Variants in PIK3C2G observed in about 807,000 individuals in gnomAD.
PIK3C2G encodes the protein phosphatidylinositol 3-kinase C2 domain-containing subunit gamma.
PIK3C2G carries 168 observed loss-of-function variants against 181.1 expected under a neutral mutation model. The observed-to-expected ratio is 0.93, with a 90% CI of 0.82 to 1.05. PIK3C2G has a LOEUF of 1.05. PIK3C2G is among the 50% of genes least tolerant of loss of function. The pLI, the probability that PIK3C2G is intolerant of heterozygous loss-of-function variation, is 0.00. For missense variants in PIK3C2G, 1,869 were observed against 1,732.8 expected (o/e 1.08, Z -1.40); for synonymous variants, 573 against 592.2 (o/e 0.97, Z 0.47).
At chr12:18,662,228 G>A in the PIK3C2G span, among the ~76,000 whole-genome samples, 1 of 152,020 alleles carries the variant, frequency 6.6e-6, no homozygotes, top group African/African-American at 2.4e-5. Context: ...TCATCACCTG[G>A]CTGATGAAAT....
chr12:18,710,984 C>T, the PIK3C2G span, among the ~76,000 whole-genome samples: 1 of 152,006 alleles, frequency 6.6e-6, no homozygotes, highest in African/African-American at 2.4e-5. Context: ...GGCGATTCCT[C>T]AGGGATCTAG....
the PIK3C2G span, among the ~76,000 whole-genome samples, chr12:18,690,156 T>A: frequency 6.6e-6 from 1 of 152,204 alleles, no homozygotes; most frequent in Non-Finnish European, 1.5e-5. Context: ...CTAGATATAT[T>A]GGGCATATAC....
intron 5 of PIK3C2G, among the ~76,000 whole-genome samples, chr12:18,312,974 A>G (rs1481713177): frequency 6.6e-6 from 1 of 152,086 alleles, no homozygotes. Flanking sequence ...CCAACTATTT[A>G]CTGAATTTTC....
At chr12:18,703,451 C>A in the PIK3C2G span, among the ~76,000 whole-genome samples, 1 of 152,134 alleles carries the variant, frequency 6.6e-6, no homozygotes, top group African/African-American at 2.4e-5. Flanking sequence ...TCATGTAATA[C>A]AGCTGTTTTT....
chr12:18,486,467 TA>T (rs1242084954), intron 18 of PIK3C2G, among the ~76,000 whole-genome samples: 1 of 151,826 alleles, frequency 6.6e-6, no homozygotes, highest in African/African-American at 2.4e-5. Context: ...GGAATAAGAG[TA>T]TTATACGTAC....
At chr12:18,554,508 A>C (rs1173071988) in intron 26 of PIK3C2G, among the ~76,000 whole-genome samples, 3 of 151,378 alleles carry the variant, frequency 2.0e-5, no homozygotes, top group African/African-American at 7.4e-5. Context: ...TGTGCAACCA[A>C]AATCATCATG....
At chr12:18,330,367 T>G (rs1286143765) in intron 8 of PIK3C2G, among the ~76,000 whole-genome samples, 1 of 152,168 alleles carries the variant, frequency 6.6e-6, no homozygotes, top group African/African-American at 2.4e-5. Flanking sequence ...GCTCTCAATT[T>G]GGTTTTATTT....
At chr12:18,631,774 C>T (rs1035490947) in intron 31 of PIK3C2G, among the ~76,000 whole-genome samples, 1 of 152,104 alleles carries the variant, frequency 6.6e-6, no homozygotes, top group African/African-American at 2.4e-5. Flanking sequence ...AGTAGCAGTA[C>T]TAACAAAGTC....
chr12:18,641,089 C>T (rs187540812), intron 32 of PIK3C2G, among the ~76,000 whole-genome samples: 2 of 152,128 alleles, frequency 1.3e-5, no homozygotes, highest in Admixed American at 1.3e-4. Flanking sequence ...TTTCCCATCT[C>T]CTCTGCACCT....
At chr12:18,669,091 G>C in the PIK3C2G span, among the ~76,000 whole-genome samples, 60 of 152,270 alleles carry the variant, frequency 3.9e-4, no homozygotes, top group Non-Finnish European at 7.1e-4. Context: ...TCATGGTACT[G>C]TTCCAAATTC....
intron 26 of PIK3C2G, among the ~76,000 whole-genome samples, chr12:18,559,837 G>T (rs1273847014): frequency 2.7e-4 from 31 of 116,928 alleles, no homozygotes; most frequent in Non-Finnish European, 4.5e-4. Context: ...GAGAGAGAGA[G>T]AGAGAGAGAG....
intron 13 of PIK3C2G, among the ~76,000 whole-genome samples, chr12:18,380,862 A>C (rs977654884): frequency 6.6e-6 from 1 of 152,230 alleles, no homozygotes; most frequent in Non-Finnish European, 1.5e-5. Flanking sequence ...AAGATCTGTT[A>C]AATGGCAAGA....
chr12:18,553,959 T>C lies in PIK3C2G; in HGVS notation c.3590+7527T>C, dbSNP rs149952457. Among the ~76,000 whole-genome samples the C allele has an allele frequency of 1.7e-3, 257 of 152,198 alleles. 2 individuals carry two copies. Among genetic ancestry groups the C allele is most frequent in the Non-Finnish European group, 3.1e-3 (210 of 67,962 alleles). On this transcript the variant is annotated intron_variant, in intron 26 of 32. Transcript: ENST00000538779. ...ACTTTATCTAATTTCATCCTATCAATGATCCTGGGAAATGGCATGGCTTAG... is the reference window on the plus strand; with the variant it reads ...ACTTTATCTAATTTCATCCTATCAACGATCCTGGGAAATGGCATGGCTTAG...
intron 24 of PIK3C2G, among the ~76,000 whole-genome samples, chr12:18,509,620 G>A (rs377242205): frequency 6.6e-6 from 1 of 152,276 alleles, no homozygotes; most frequent in African/African-American, 2.4e-5. Flanking sequence ...AGGTGTCCCT[G>A]AACAATTCCT....
intron 32 of PIK3C2G, among the ~76,000 whole-genome samples, chr12:18,646,838 C>T (rs1192115309): frequency 1.3e-5 from 2 of 151,708 alleles, no homozygotes; most frequent in Non-Finnish European, 2.9e-5. Context: ...GTTGCTTTAC[C>T]ACTGCAGGTT....
chr12:18,352,604 A>T (rs1267425320), intron 11 of PIK3C2G, among the ~76,000 whole-genome samples: 1 of 152,214 alleles, frequency 6.6e-6, no homozygotes, highest in East Asian at 1.9e-4. Context: ...GCTCAGTGTG[A>T]CAGCCCTCTG....
the PIK3C2G span, among the ~76,000 whole-genome samples, chr12:18,659,227 A>T: frequency 8.5e-5 from 13 of 152,160 alleles, no homozygotes; most frequent in South Asian, 2.1e-4. Flanking sequence ...CTAAATAACC[A>T]CTTTACCTTT....
At chr12:18,587,570 A>G (rs1351770594) in intron 29 of PIK3C2G, among the ~76,000 whole-genome samples, 3 of 152,152 alleles carry the variant, frequency 2.0e-5, no homozygotes, top group African/African-American at 7.2e-5. Flanking sequence ...ACACAAATGG[A>G]AAAACATTCC....
chr12:18,634,869 T>C, intron 31 of PIK3C2G, among the ~76,000 whole-genome samples: 1 of 149,974 alleles, frequency 6.7e-6, no homozygotes, highest in African/African-American at 2.5e-5. Flanking sequence ...ATATCTTCAC[T>C]TTTTTTTTGC....
Sources: gnomAD v4.1 joint callset for allele counts (sites outside exome capture counted in the v4.1 genomes callset) on GRCh38, gnomAD v4.1.1 for gene constraint, MANE v1.5 for transcripts, NCBI Gene and HGNC (gene_info 2026-07-23, HGNC 2026-07-21) for gene names.